Variants in DPYD observed in about 807,000 individuals in gnomAD.
The protein encoded by DPYD is dihydropyrimidine dehydrogenase [NADP(+)].
A neutral mutation model predicts 116.2 loss-of-function variants in DPYD; 109 were observed. The ratio of observed to expected loss-of-function variants is 0.94; its 90% confidence interval spans 0.80 to 1.10. The LOEUF (loss-of-function observed/expected upper bound fraction) is 1.10, where lower values mean the gene tolerates loss of function less well. DPYD is among the 50% of genes least tolerant of loss of function. DPYD has a pLI of 0.00. For synonymous variants in DPYD, 440 were observed against 432.0 expected, an observed-to-expected ratio of 1.02 and a Z score of -0.23; for missense variants, 1,302 against 1,254.5, an observed-to-expected ratio of 1.04 and a Z score of -0.57.
chr1:97,451,155 T>C (rs537251858), intron 13 of DPYD, among the ~76,000 whole-genome samples: 20 of 152,282 alleles, frequency 1.3e-4, no homozygotes, highest in African/African-American at 4.6e-4. Context: ...TTACATATTT[T>C]AATTAAGAAC....
chr1:97,762,294 G>A (rs898115313), intron 3 of DPYD, among the ~76,000 whole-genome samples: 1 of 152,136 alleles, frequency 6.6e-6, no homozygotes, highest in Non-Finnish European at 1.5e-5. Context: ...ATGTACCACA[G>A]AGTGACAAGA....
At chr1:97,594,167 T>A (rs949124266) in intron 9 of DPYD, among the ~76,000 whole-genome samples, 2 of 152,314 alleles carry the variant, frequency 1.3e-5, no homozygotes, top group African/African-American at 4.8e-5. Flanking sequence ...TATAATTTTT[T>A]AAATGGTACC....
rs578156272 is a variant in DPYD at position 97,721,070 on chromosome 1, G to A, written c.483+440C>T. On this transcript the variant is annotated intron_variant, in intron 5 of 22. Transcript: ENST00000370192. ...GTTAAATAACATTACTTAGTTTCAG[G>A]GTTTTTGAAAATTCTCTAACATTAT... The A allele has an allele frequency of 2.9e-3, 3,605 of 1,223,066 alleles. 15 individuals are homozygous for A. The highest frequency in any genetic ancestry group is 2.9e-3 in the Non-Finnish European group (2,593 of 884,434). The allele number at this position is 1,223,066 out of a possible 1,614,324, so 75.8% of individuals were successfully genotyped here. A position where few individuals can be genotyped will look rare whatever the true frequency, so the allele number is the denominator to read the frequency against.
chr1:97,187,238 T>A (rs1658062182), intron 20 of DPYD, among the ~76,000 whole-genome samples: 1 of 152,114 alleles, frequency 6.6e-6, no homozygotes, highest in Non-Finnish European at 1.5e-5. Context: ...CTCACCTACA[T>A]CTGTTATTTT....
chr1:97,621,070 T>C (rs561567425), intron 8 of DPYD, among the ~76,000 whole-genome samples: 30 of 152,138 alleles, frequency 2.0e-4, no homozygotes, highest in Non-Finnish European at 3.1e-4. Flanking sequence ...CTTTTGAATA[T>C]CAAAAGAAAT....
chr1:97,707,831 G>T (rs966156984), intron 5 of DPYD, among the ~76,000 whole-genome samples: 1 of 151,854 alleles, frequency 6.6e-6, no homozygotes, highest in Non-Finnish European at 1.5e-5. Flanking sequence ...TAAGGTCTTT[G>T]TATCATTTTT....
At chr1:97,251,863 T>C (rs959965617) in intron 18 of DPYD, among the ~76,000 whole-genome samples, 2 of 152,178 alleles carry the variant, frequency 1.3e-5, no homozygotes, top group African/African-American at 4.8e-5. Context: ...TTTGGCCCTT[T>C]GCTGACTGTA....
At chr1:97,407,494 G>T (rs1557691592) in intron 14 of DPYD, among the ~76,000 whole-genome samples, 1 of 152,108 alleles carries the variant, frequency 6.6e-6, no homozygotes, top group Admixed American at 6.6e-5. Context: ...AGAGGACATG[G>T]GCTATGTCTT....
chr1:97,746,302 G>C (rs1664550283), intron 3 of DPYD, among the ~76,000 whole-genome samples: 1 of 152,040 alleles, frequency 6.6e-6, no homozygotes, highest in African/African-American at 2.4e-5. Context: ...CTGTGATTTA[G>C]CTGTTTGTGC....
chr1:97,836,390 T>C (rs1669773778), intron 2 of DPYD, among the ~76,000 whole-genome samples: 2 of 152,176 alleles, frequency 1.3e-5, no homozygotes, highest in African/African-American at 2.4e-5. Context: ...CAAGTTTTAA[T>C]GTATGCTTAA....
intron 7 of DPYD, among the ~76,000 whole-genome samples, chr1:97,685,777 G>T (rs1440966514): frequency 6.6e-6 from 1 of 152,024 alleles, no homozygotes; most frequent in African/African-American, 2.4e-5. Flanking sequence ...AACTAACAAG[G>T]AAAGTGAAAA....
intron 2 of DPYD, among the ~76,000 whole-genome samples, chr1:97,849,695 T>C (rs1670481039): frequency 6.6e-6 from 1 of 152,162 alleles, no homozygotes; most frequent in Non-Finnish European, 1.5e-5. Context: ...ATAATAATGA[T>C]AAAAATAAAG....
At chr1:97,449,922 A>C (rs1303780241) in intron 14 of DPYD, 137 bp downstream of exon 14, 2 of 1,097,526 alleles carry the variant, frequency 1.8e-6, no homozygotes, top group Non-Finnish European at 2.6e-6. Flanking sequence ...TTATCTTTCT[A>C]TGCATCAGCA....
chr1:97,225,235 T>A (rs190201961), intron 19 of DPYD, among the ~76,000 whole-genome samples: 1 of 152,204 alleles, frequency 6.6e-6, no homozygotes, highest in Admixed American at 6.5e-5. Context: ...AAGTTGCCCT[T>A]TCTTTACACC....
chr1:97,355,689 T>C (rs1308985457), intron 16 of DPYD, among the ~76,000 whole-genome samples: 1 of 152,202 alleles, frequency 6.6e-6, no homozygotes, highest in Non-Finnish European at 1.5e-5. Context: ...TATTTGTCTC[T>C]CTAGGCCTGC....
intron 8 of DPYD, among the ~76,000 whole-genome samples, chr1:97,617,547 C>G (rs1178382362): frequency 1.3e-5 from 2 of 151,994 alleles, no homozygotes; most frequent in Non-Finnish European, 2.9e-5. Context: ...TGAAAAACAC[C>G]AACATTGAGA....
chr1:97,637,689 G>A (rs761054359), intron 8 of DPYD, among the ~76,000 whole-genome samples: 3 of 152,122 alleles, frequency 2.0e-5, no homozygotes, highest in African/African-American at 7.2e-5. Flanking sequence ...GTAATTTCAC[G>A]AAGGGAACAA....
intron 13 of DPYD, among the ~76,000 whole-genome samples, chr1:97,462,821 T>C (rs1677100902): frequency 6.6e-6 from 1 of 152,208 alleles, no homozygotes; most frequent in African/African-American, 2.4e-5. Flanking sequence ...TTCCCTGATC[T>C]AGGAGAGAAT....
intron 14 of DPYD, among the ~76,000 whole-genome samples, chr1:97,382,795 A>G (rs1672050744): frequency 6.6e-6 from 1 of 152,154 alleles, no homozygotes; most frequent in African/African-American, 2.4e-5. Context: ...ATGTAAATAC[A>G]TGCATGTACG....
Sources: allele counts gnomAD v4.1 joint callset (sites outside exome capture counted in the v4.1 genomes callset), GRCh38; gene constraint gnomAD v4.1.1; transcripts MANE v1.5; gene names NCBI Gene and HGNC (gene_info 2026-07-23, HGNC 2026-07-21).